Variants in VPS13B observed in about 807,000 individuals in gnomAD.
VPS13B encodes intermembrane lipid transfer protein VPS13B.
Under a neutral mutation model 426.4 loss-of-function variants are expected in VPS13B, and 285 were observed. That is an observed-to-expected ratio of 0.67 (90% CI 0.61 to 0.74). The LOEUF (loss-of-function observed/expected upper bound fraction) is 0.74, where lower values mean the gene tolerates loss of function less well. VPS13B is among the 30% of genes least tolerant of loss of function. The pLI is 0.00. For synonymous variants in VPS13B, 1,676 were observed against 1,676.4 expected (o/e 1.00, Z 0.01); for missense variants, 4,537 against 4,782.6 (o/e 0.95, Z 1.51).
chr8:99,486,173 TATC>T (rs1820297956), intron 25 of VPS13B, among the ~76,000 whole-genome samples: 1 of 152,130 alleles, frequency 6.6e-6, no homozygotes, highest in African/African-American at 2.4e-5. Context: ...GGGTTTGTCT[TATC>T]ATATAAGTAG....
chr8:99,653,601 G>A lies in VPS13B; in HGVS notation c.5909-7753G>A, dbSNP rs535275661. ...AAGAGATCAAGGACAACACAGAGCA[G>A]CACATAAAATGAATTAAAAGGAATT... On this transcript the variant is annotated intron_variant, in intron 34 of 61. Transcript: ENST00000357162. Among the ~76,000 whole-genome samples, 9 of 151,928 alleles carry A rather than the reference G, an allele frequency of 5.9e-5. No individual in the cohort carries two copies. In the East Asian group the frequency reaches 1.7e-3, roughly 29 times the overall value.
chr8:99,587,094 T>A (rs1264480151), intron 33 of VPS13B, among the ~76,000 whole-genome samples: 1 of 152,140 alleles, frequency 6.6e-6, no homozygotes, highest in African/African-American at 2.4e-5. Context: ...GTCCTTCCAA[T>A]AGTTTGCTCA....
intron 51 of VPS13B, among the ~76,000 whole-genome samples, chr8:99,830,926 G>A (rs1395845782): frequency 6.6e-6 from 1 of 151,942 alleles, no homozygotes; most frequent in East Asian, 1.9e-4. Context: ...TCCTTGGGCT[G>A]CACCCACTGT....
intron 19 of VPS13B, among the ~76,000 whole-genome samples, chr8:99,343,797 G>A (rs3103696): frequency 0.83 from 125,692 of 152,158 alleles, 52,428 homozygotes; most frequent in South Asian, 0.89. Context: ...GAAGACTATA[G>A]AACACTGATG....
At chr8:99,743,553 C>T (rs1016188518) in intron 39 of VPS13B, among the ~76,000 whole-genome samples, 19 of 152,266 alleles carry the variant, frequency 1.2e-4, no homozygotes, top group South Asian at 4.2e-4. Context: ...GGAGGTATCA[C>T]GCTACCTGAC....
intron 3 of VPS13B, among the ~76,000 whole-genome samples, chr8:99,088,215 A>G (rs1303055828): frequency 6.6e-5 from 10 of 151,042 alleles, no homozygotes; most frequent in Admixed American, 5.9e-4. Flanking sequence ...TGAATTTACC[A>G]TTTAACCTTA....
Position 99,740,492 on chromosome 8 carries a change from G to A in VPS13B, c.7050+19445G>A, listed in dbSNP as rs186165664. 5.6e-4 allele frequency among the ~76,000 whole-genome samples: 85 copies of A among 152,204 alleles called. 1 individual carries two copies. The East Asian group carries it at 8.3e-3, about 15-fold the overall frequency. On this transcript the variant is annotated intron_variant, in intron 39 of 61. Coordinates refer to ENST00000357162, the MANE Select transcript of VPS13B (RefSeq NM_152564.5). ...AGAGAACGCCACAAAGATACTCCTC[G>A]AGAAGAGCAACTCCAAGACACATAA...
intron 17 of VPS13B, among the ~76,000 whole-genome samples, chr8:99,247,182 T>C (rs1484474294): frequency 1.3e-5 from 2 of 152,222 alleles, no homozygotes; most frequent in East Asian, 3.8e-4. Flanking sequence ...TGTTCAATTT[T>C]TTTTTTAACT....
At chr8:99,370,969 T>TA (rs543151663) in intron 19 of VPS13B, among the ~76,000 whole-genome samples, 102 of 152,276 alleles carry the variant, frequency 6.7e-4, no homozygotes, top group Non-Finnish European at 1.3e-3. Flanking sequence ...AATATTAAAA[T>TA]ATGGAAAGCA....
chr8:99,807,527 A>G (rs927608704), intron 43 of VPS13B, among the ~76,000 whole-genome samples: 5 of 151,824 alleles, frequency 3.3e-5, no homozygotes, highest in Non-Finnish European at 2.9e-5. Flanking sequence ...AGTTGCTGCT[A>G]TAAAAAACTG....
chr8:99,762,137 G>A (rs1283580955), intron 39 of VPS13B, among the ~76,000 whole-genome samples: 8 of 151,574 alleles, frequency 5.3e-5, no homozygotes, highest in Non-Finnish European at 8.8e-5. Flanking sequence ...GCGATCCTCC[G>A]ACTTCAGCCT....
chr8:99,081,445 T>G (rs1005048863), intron 3 of VPS13B, among the ~76,000 whole-genome samples: 13 of 152,210 alleles, frequency 8.5e-5, no homozygotes, highest in African/African-American at 2.9e-4. Flanking sequence ...TTTATTATAC[T>G]TTAAGTTTTA....
chr8:99,471,288 A>G (rs908698391), intron 24 of VPS13B, among the ~76,000 whole-genome samples: 2 of 152,118 alleles, frequency 1.3e-5, no homozygotes, highest in Non-Finnish European at 2.9e-5. Flanking sequence ...GTGACTCTTG[A>G]AATCAAAAAG....
At chr8:99,515,395 T>G (rs574273060) in intron 29 of VPS13B, among the ~76,000 whole-genome samples, 32 of 149,100 alleles carry the variant, frequency 2.1e-4, no homozygotes, top group African/African-American at 8.1e-4. Flanking sequence ...TGCTGCTGCT[T>G]CTGCTTCCTC....
chr8:99,405,771 CT>C (rs1261961883), intron 21 of VPS13B, among the ~76,000 whole-genome samples: 11 of 151,042 alleles, frequency 7.3e-5, no homozygotes, highest in African/African-American at 2.4e-4. Flanking sequence ...ATACTTCATC[CT>C]TTTTTTTCTT....
intron 23 of VPS13B, among the ~76,000 whole-genome samples, chr8:99,460,888 G>A (rs1379997812): frequency 6.6e-6 from 1 of 152,158 alleles, no homozygotes; most frequent in African/African-American, 2.4e-5. Flanking sequence ...CTCCTCTGTG[G>A]TAGAGATAGA....
intron 3 of VPS13B, among the ~76,000 whole-genome samples, chr8:99,050,369 C>A (rs536410279): frequency 5.9e-4 from 90 of 152,186 alleles, no homozygotes; most frequent in African/African-American, 2.0e-3. Context: ...TGAACTCATC[C>A]TTTTTTATGG....
At chr8:99,045,507 G>C (rs566514814) in intron 3 of VPS13B, among the ~76,000 whole-genome samples, 1 of 152,094 alleles carries the variant, frequency 6.6e-6, no homozygotes, top group East Asian at 1.9e-4. Context: ...TGGATTGTCT[G>C]TTTACTCTGC....
At chr8:99,406,227 T>G (rs988025017) in intron 21 of VPS13B, among the ~76,000 whole-genome samples, 9 of 152,138 alleles carry the variant, frequency 5.9e-5, no homozygotes, top group African/African-American at 2.2e-4. Flanking sequence ...GTTCTTGTTT[T>G]TTTTTTTTTT....
Sources: allele counts gnomAD v4.1 joint callset (sites outside exome capture counted in the v4.1 genomes callset), GRCh38; gene constraint gnomAD v4.1.1; transcripts MANE v1.5; gene names NCBI Gene and HGNC (gene_info 2026-07-23, HGNC 2026-07-21).